The following PRSS12 variants were observed in gnomAD, a reference collection of about 807,000 sequenced individuals.
PRSS12 encodes the protein neurotrypsin.
Under a neutral mutation model 104.4 loss-of-function variants are expected in PRSS12, and 85 were observed. The observed-to-expected ratio is 0.81, with a 90% CI of 0.68 to 0.98. The LOEUF (loss-of-function observed/expected upper bound fraction) is 0.98. Ranked by LOEUF, PRSS12 falls within the 50% of genes least tolerant of loss-of-function variation. PRSS12 has a pLI of 0.00. For synonymous variants in PRSS12, 454 were observed against 425.2 expected, an observed-to-expected ratio of 1.07 and a Z score of -0.83; for missense variants, 1,141 against 1,139.2, an observed-to-expected ratio of 1.00 and a Z score of -0.02.
intron 1 of PRSS12, among the ~76,000 whole-genome samples, chr4:118,342,739 A>G (rs999854902): frequency 1.3e-5 from 2 of 152,210 alleles, no homozygotes; most frequent in Non-Finnish European, 2.9e-5. Flanking sequence ...TGTTATAACT[A>G]TTTAAAGGCA....
rs1742887786 is a variant in PRSS12 at position 118,282,097 on chromosome 4, C to T, written c.2467G>A (p.Gly823Arg). 1 of 1,614,050 alleles carries T rather than the reference C, an allele frequency of 6.2e-7. No individual in the cohort carries two copies. The highest frequency in any genetic ancestry group is 8.5e-7 in the Non-Finnish European group (1 of 1,180,028). The change falls in exon 13 of 13, where the codon GGA becomes AGA. Residue 823 changes from glycine to arginine, a missense_variant. Gly to Arg is a moderately radical substitution (Grantham distance 125, BLOSUM62 -2). Transcript: ENST00000296498. ...CACATGAGTGGTCCTCCGCTGTCTC[C>T]CTGGCAGCTGTCCACGCGTTTGTGT... is the stretch of plus-strand genomic sequence containing the variant. ...HEHKRVDSCQGDSGGPLMCER... is the reference protein window; with the variant it reads ...HEHKRVDSCQRDSGGPLMCER...
intron 11 of PRSS12, among the ~76,000 whole-genome samples, chr4:118,294,094 A>T (rs910281615): frequency 6.6e-6 from 1 of 152,236 alleles, no homozygotes; most frequent in South Asian, 2.1e-4. Context: ...GTACCGTATG[A>T]TATCACATAA....
intron 8 of PRSS12, among the ~76,000 whole-genome samples, chr4:118,305,375 T>C (rs1408656407): frequency 6.6e-6 from 1 of 152,084 alleles, no homozygotes; most frequent in African/African-American, 2.4e-5. Flanking sequence ...GATGCTTTTC[T>C]TGATTGATAA....
In PRSS12 at chr4:118,288,542, A is replaced by G. The variant is rs186275739; in HGVS notation, c.2040-5431T>C. Among the ~76,000 whole-genome samples, 8 of 152,358 alleles carry G rather than the reference A, an allele frequency of 5.3e-5. No individual in the cohort carries two copies. The East Asian group carries it at 1.5e-3, about 29-fold the overall frequency. ...TTCTAGGGCAAAAAGTCAATGAGATAAAGTCAGGTAAAGTTATATTCTTGA... is the reference window on the plus strand; with the variant it reads ...TTCTAGGGCAAAAAGTCAATGAGATGAAGTCAGGTAAAGTTATATTCTTGA... On this transcript the variant is annotated intron_variant, in intron 11 of 12. Transcript: ENST00000296498.
Position 118,295,033 on chromosome 4 carries a change from G to A in PRSS12, c.1945C>T (p.Arg649Trp), listed in dbSNP as rs759951105. Reference protein sequence around the residue: ...RGGWPWQVSLRLKSSHGDGRL... With the variant: ...RGGWPWQVSLWLKSSHGDGRL... ...CCATCTCCATGGGATGACTTCAGCC[G>A]GAGGGAAACCTGCCAAGGCCAACCA... Residue 649 changes from arginine to tryptophan, a missense_variant, in exon 11 of 13, where the codon CGG becomes TGG. By Grantham distance (101) the Arg-to-Trp change is moderately radical. Coordinates refer to ENST00000296498, the MANE Select transcript of PRSS12 (RefSeq NM_003619.4). The A allele has an allele frequency of 2.1e-5, 34 of 1,613,940 alleles. No individual in the cohort carries two copies. Among genetic ancestry groups the A allele is most frequent in the Admixed American group, 3.3e-5 (2 of 59,986 alleles).
At chr4:118,326,420 A>G (rs1264975009) in intron 4 of PRSS12, among the ~76,000 whole-genome samples, 1 of 152,152 alleles carries the variant, frequency 6.6e-6, no homozygotes, top group African/African-American at 2.4e-5. Context: ...ATTTACTGAT[A>G]AGGAAACAGA....
In PRSS12 at chr4:118,318,559, GAACA is replaced by G; in HGVS notation, c.972-7_972-4del. 2 of 1,613,338 alleles carry G rather than the reference GAACA, an allele frequency of 1.2e-6. No individual in the cohort carries two copies. The highest frequency in any genetic ancestry group is 1.7e-6 in the Non-Finnish European group (2 of 1,179,684). Reference sequence around the variant, plus strand: ...GATGCCATGCTTTGGCAATGCCACTGAACAAATAAAAGAATGTAAGGATTCTGGA... The same window carrying G: ...GATGCCATGCTTTGGCAATGCCACTGAATAAAAGAATGTAAGGATTCTGGA... On this transcript the variant is annotated splice_polypyrimidine_tract_variant and splice_region_variant and intron_variant, in intron 4 of 12. Transcript: ENST00000296498.
intron 8 of PRSS12, among the ~76,000 whole-genome samples, chr4:118,301,765 C>T (rs1355061176): frequency 6.6e-6 from 1 of 152,060 alleles, no homozygotes; most frequent in Non-Finnish European, 1.5e-5. Context: ...TTCTACTTAT[C>T]CCACAGGCAG....
intron 1 of PRSS12, among the ~76,000 whole-genome samples, chr4:118,340,432 T>G (rs1724171268): frequency 6.6e-6 from 1 of 152,110 alleles, no homozygotes; most frequent in Non-Finnish European, 1.5e-5. Flanking sequence ...ACACACACCT[T>G]CCTAACAGTG....
chr4:118,288,556 T>C (rs1743060871), intron 11 of PRSS12, among the ~76,000 whole-genome samples: 1 of 152,202 alleles, frequency 6.6e-6, no homozygotes, highest in Non-Finnish European at 1.5e-5. Context: ...TCAGGTAAAG[T>C]TATATTCTTG....
intron 11 of PRSS12, 53 bp from the exon 12 acceptor site, chr4:118,283,164 T>G: frequency 6.3e-7 from 1 of 1,592,058 alleles, no homozygotes; most frequent in African/African-American, 1.3e-5. Flanking sequence ...TGAAAATTAT[T>G]GTCAAGAAGG....
At position 118,335,492 on chromosome 4, in the gene PRSS12, G is replaced by C. The variant is rs774617404; in HGVS notation, c.801C>G (p.Val267=). 3.1e-6 allele frequency: 5 copies of C among 1,613,870 alleles called. No individual in the cohort carries two copies. The East Asian group carries it at 8.9e-5, about 29-fold the overall frequency. The change falls in exon 3 of 13, where the codon GTC becomes GTG. Residue 267 remains valine, a synonymous_variant. Transcript: ENST00000296498. The part of the protein sequence containing the change: ...GVCPQKMAAA[V]TCSFSHGPTF... ...TTTTACCATGGGAAAAGCTACACGT[G>C]ACAGCAGCTGCCATCTTCTGAGGAC...
rs777565126 is a variant in PRSS12 at position 118,352,701 on chromosome 4, A to G, written c.20T>C (p.Val7Ala). The stretch of plus-strand genomic sequence containing the variant: ...GAGCGCCCCTAACATCAGGGCTAGC[A>G]CGAAGCGGGCGAGCGTCATGGTGCC... MTLARF[V>A]LALMLGALPE... Residue 7 changes from valine (V) to alanine (A), a missense_variant, in exon 1 of 13, where the codon GTG becomes GCG. Coordinates refer to ENST00000296498, the MANE Select transcript of PRSS12 (RefSeq NM_003619.4). The G allele has an allele frequency of 9.3e-6, 15 of 1,611,540 alleles. No homozygotes were observed. In the South Asian group the frequency reaches 1.5e-4, roughly 17 times the overall value.
At chr4:118,299,127 T>C (rs550001602) in intron 8 of PRSS12, among the ~76,000 whole-genome samples, 189 bp from the exon 9 acceptor site, 40 of 152,352 alleles carry the variant, frequency 2.6e-4, no homozygotes, top group Non-Finnish European at 4.9e-4. Context: ...TACTTTCCCA[T>C]ACTCCACAGC....
At chr4:118,330,631 G>A (rs766367577) in intron 4 of PRSS12, among the ~76,000 whole-genome samples, 42 of 152,130 alleles carry the variant, frequency 2.8e-4, no homozygotes, top group Admixed American at 2.6e-4. Context: ...CAAGGACACT[G>A]TAGGGGCAAC....
At position 118,281,271 on chromosome 4, in the gene PRSS12, G is replaced by A. The variant is rs563244747; in HGVS notation, c.*665C>T. ...AATTTTGCTAGTTTATACGCTGTAG[G>A]TAGAAAGTATTTTTATCTTATGGTT... On this transcript the variant is annotated 3_prime_UTR_variant, in exon 13 of 13. Coordinates refer to ENST00000296498, the MANE Select transcript of PRSS12 (RefSeq NM_003619.4). 6.5e-6 allele frequency: 1 copy of A among 153,268 alleles called. No individual in the cohort carries two copies. The highest frequency in any genetic ancestry group is 2.4e-5 in the African/African-American group (1 of 41,562). 9.5% of individuals were successfully genotyped at this position (153,268 alleles called of 1,614,324 possible).
chr4:118,331,712 A>C lies in PRSS12; in HGVS notation c.971+4T>G, dbSNP rs775552899. 1 of 1,614,174 alleles carries C rather than the reference A, an allele frequency of 6.2e-7. No individual in the cohort carries two copies. Among genetic ancestry groups the C allele is most frequent in the Non-Finnish European group, 8.5e-7 (1 of 1,180,014 alleles). ...TAAGCAAAACAAGAGTAGTAAAAAC[A>C]AACCTGAGGCCCAGCTGCCTGCAGA... On this transcript the variant is annotated splice_donor_region_variant and intron_variant, in intron 4 of 12. Transcript: ENST00000296498.
At chr4:118,315,681 T>C (rs1335581021) in intron 6 of PRSS12, among the ~76,000 whole-genome samples, 1 of 152,200 alleles carries the variant, frequency 6.6e-6, no homozygotes, top group Non-Finnish European at 1.5e-5. Context: ...TACTCAGCTT[T>C]TAAGAGAGTG....
chr4:118,283,058 A>T lies in PRSS12; in HGVS notation c.2093T>A (p.Leu698Gln). 6.2e-7 allele frequency: 1 copy of T among 1,614,230 alleles called. No individual in the cohort carries two copies. Among genetic ancestry groups the T allele is most frequent in the Non-Finnish European group, 8.5e-7 (1 of 1,180,040 alleles). The change falls in exon 12 of 13, where the codon CTG becomes CAG. Residue 698 changes from leucine to glutamine, a missense_variant. Physicochemically the swap from Leu to Gln is moderately radical, Grantham distance 113. Transcript: ENST00000296498. Reference protein sequence around the residue: ...YAVRVGDYHTLVPEEFEEEIG... With the variant: ...YAVRVGDYHTQVPEEFEEEIG... Reference sequence around the variant, plus strand: ...TTCTTCCTCAAACTCCTCTGGTACCAGAGTATGATAATCTCCAACCCTAAC... The same window carrying T: ...TTCTTCCTCAAACTCCTCTGGTACCTGAGTATGATAATCTCCAACCCTAAC...
Sources: gnomAD v4.1 joint callset for allele counts (sites outside exome capture counted in the v4.1 genomes callset) on GRCh38, gnomAD v4.1.1 for gene constraint, MANE v1.5 for transcripts, NCBI Gene and HGNC (gene_info 2026-07-23, HGNC 2026-07-21) for gene names.